The following PATJ variants were observed in gnomAD, a reference collection of about 807,000 sequenced individuals.
The protein encoded by PATJ is PATJ crumbs cell polarity complex component, also known as inaD-like protein.
A neutral mutation model predicts 224.9 loss-of-function variants in PATJ; 190 were observed. That is an observed-to-expected ratio of 0.84 (90% CI 0.75 to 0.95). PATJ has a LOEUF of 0.95. Among genes scored for constraint, PATJ ranks in the 40% least tolerant of loss-of-function variants. The pLI is 0.00. For missense variants in PATJ, 2,121 were observed against 2,270.3 expected (o/e 0.93, Z 1.34); for synonymous variants, 769 against 820.3 (o/e 0.94, Z 1.07).
intron 29 of PATJ, among the ~76,000 whole-genome samples, chr1:62,020,620 G>A (rs1485970665): frequency 5.9e-5 from 9 of 152,168 alleles, no homozygotes; most frequent in Non-Finnish European, 1.3e-4. Context: ...TCATTGAACA[G>A]AACAGAATCA....
intron 10 of PATJ, among the ~76,000 whole-genome samples, chr1:61,796,740 C>CTT (rs143698836): frequency 4.0e-5 from 2 of 50,328 alleles, no homozygotes; most frequent in African/African-American, 1.2e-4. Flanking sequence ...TTCTTTCTTT[C>CTT]TTTTTTTTCT....
intron 19 of PATJ, 86 bp from the exon 20 acceptor site, chr1:61,864,151 CA>C: frequency 8.6e-7 from 1 of 1,165,864 alleles, no homozygotes; most frequent in South Asian, 1.5e-5. Context: ...GCAGTCACGC[CA>C]GCATTTGAAA....
At chr1:61,995,220 A>G (rs1233322623) in intron 28 of PATJ, among the ~76,000 whole-genome samples, 1 of 152,214 alleles carries the variant, frequency 6.6e-6, no homozygotes, top group Non-Finnish European at 1.5e-5. Flanking sequence ...AGAGCAAATC[A>G]TGAGTGGTTG....
At chr1:61,963,201 C>G (rs1238479364) in intron 27 of PATJ, among the ~76,000 whole-genome samples, 10 of 152,228 alleles carry the variant, frequency 6.6e-5, no homozygotes, top group Admixed American at 6.5e-4. Flanking sequence ...TAATAGCCTA[C>G]TCTTGGCTTT....
intron 14 of PATJ, among the ~76,000 whole-genome samples, chr1:61,817,294 G>C (rs1389491807): frequency 6.6e-6 from 1 of 152,202 alleles, no homozygotes. Flanking sequence ...TTAGTATTAG[G>C]TGACTGAAGA....
rs1476920224 is a variant in PATJ at position 62,018,037 on chromosome 1, C to T, written c.3959+90C>T. On this transcript the variant is annotated intron_variant, in intron 29 of 43. Transcript: ENST00000642238. The surrounding 1 kb of genome is among the most constrained non-coding windows in gnomAD (Gnocchi z 4.2). Reference sequence around the variant, plus strand: ...ACTATGTCATCTTTGATTTGTCTAGCGAAATCACTGTTCCTTCTAAAAACA... The same window carrying T: ...ACTATGTCATCTTTGATTTGTCTAGTGAAATCACTGTTCCTTCTAAAAACA... 16 of 695,718 alleles carry T rather than the reference C, an allele frequency of 2.3e-5. No individual in the cohort carries two copies. The East Asian group carries it at 2.8e-4, about 12-fold the overall frequency. 43.1% of individuals were successfully genotyped at this position (695,718 alleles called of 1,614,324 possible).
chr1:61,943,519 T>C (rs942727017), intron 27 of PATJ, among the ~76,000 whole-genome samples: 1 of 152,014 alleles, frequency 6.6e-6, no homozygotes, highest in African/African-American at 2.4e-5. Context: ...AACTGCGAGG[T>C]GGCAGTGAGG....
chr1:61,814,097 A>G (rs1326278395), intron 14 of PATJ, among the ~76,000 whole-genome samples: 5 of 151,544 alleles, frequency 3.3e-5, no homozygotes, highest in Non-Finnish European at 5.9e-5. Flanking sequence ...TCACTAGAAG[A>G]AAAAGAGTCA....
At chr1:62,126,796 A>G (rs7538525) in intron 39 of PATJ, among the ~76,000 whole-genome samples, 5,245 of 152,250 alleles carry the variant, frequency 0.034, 273 homozygotes, top group African/African-American at 0.12. Flanking sequence ...CCAAGTCTGC[A>G]TCGGAATTGG....
rs780982829 is a variant in PATJ at position 62,051,004 on chromosome 1, T to C, written c.4071T>C (p.Asp1357=). The C allele has an allele frequency of 1.9e-6, 3 of 1,614,106 alleles. No homozygotes were observed. The highest frequency in any genetic ancestry group is 3.3e-5 in the Admixed American group (2 of 60,024). The change falls in exon 31 of 44, where the codon GAT becomes GAC. Residue 1357 remains aspartate, a synonymous_variant. Transcript: ENST00000642238. ...SGTEPISSEE[D]GSVEVGIKQL... is the part of the protein sequence containing the mutation. ...CCGAACCTATTAGTAGTGAGGAAGA[T>C]GGCAGCGTCGAAGTTGGTATTAAAC... is the stretch of plus-strand genomic sequence containing the variant.
intron 40 of PATJ, chr1:62,128,572 A>G (rs1423308166): frequency 2.4e-6 from 1 of 421,268 alleles, no homozygotes; most frequent in South Asian, 3.7e-5. Flanking sequence ...AAATGGTTGT[A>G]TGAAACACCA....
rs1669902789 is a variant in PATJ, at chr1:62,162,402, A to G, written c.*1348A>G. On this transcript the variant is annotated 3_prime_UTR_variant, in exon 44 of 44. Transcript: ENST00000642238. ...CAGGCCAGCAGCATGGACTGCAAGA[A>G]CCTAAGGGAGCAACATACTTAGCTG... 6.6e-6 allele frequency: 1 copy of G among 152,244 alleles called. No homozygotes were observed. The highest frequency in any genetic ancestry group is 2.4e-5 in the African/African-American group (1 of 41,448). 9.4% of individuals were successfully genotyped at this position (152,244 alleles called of 1,614,324 possible).
chr1:61,916,890 G>T (rs1354796484), intron 26 of PATJ, among the ~76,000 whole-genome samples: 6 of 152,186 alleles, frequency 3.9e-5, no homozygotes, highest in Non-Finnish European at 7.3e-5. Context: ...TGCTGAGTCA[G>T]TTCCTTGGGG....
chr1:62,086,451 A>G lies in PATJ; in HGVS notation c.4377+1803A>G, dbSNP rs992142546. Among the ~76,000 whole-genome samples, 2 of 152,202 alleles carry G rather than the reference A, an allele frequency of 1.3e-5. No individual in the cohort carries two copies. Among genetic ancestry groups the G allele is most frequent in the South Asian group, 2.1e-4 (1 of 4,822 alleles). On this transcript the variant is annotated intron_variant, in intron 33 of 43. Coordinates refer to ENST00000642238, the MANE Select transcript of PATJ (RefSeq NM_001350145.3). This position sits in a 1 kb window ranked among gnomAD's most constrained non-coding sequence, Gnocchi z 4.0. ...AAACCAGGGCGACTCCCTAGAGACA[A>G]TCACTCTTGTTAATGAATATGTTTT...
At chr1:61,816,671 T>C (rs1209194363) in intron 14 of PATJ, 1 of 152,164 alleles carries the variant, frequency 6.6e-6, no homozygotes, top group East Asian at 1.9e-4. Flanking sequence ...TATAGAAATA[T>C]GTACTGCAAA....
chr1:61,900,730 C>T (rs1671034288), intron 23 of PATJ, among the ~76,000 whole-genome samples: 1 of 151,706 alleles, frequency 6.6e-6, no homozygotes, highest in African/African-American at 2.4e-5. Context: ...GCTGGGACTA[C>T]AGGCGCCCGC....
intron 33 of PATJ, among the ~76,000 whole-genome samples, chr1:62,085,784 A>C (rs976993070): frequency 1.3e-5 from 2 of 149,640 alleles, no homozygotes; most frequent in African/African-American, 2.5e-5. Flanking sequence ...ATGCCACTAT[A>C]CTCCAGCCTG....
At chr1:61,987,453 GGTGTTTCAT>G (rs1644825957) in intron 27 of PATJ, among the ~76,000 whole-genome samples, 1 of 151,896 alleles carries the variant, frequency 6.6e-6, no homozygotes, top group Non-Finnish European at 1.5e-5. Context: ...TGTTAAAATT[GGTGTTTCAT>G]GTTGTTTTCT....
chr1:62,073,908 G>A (rs1277414786), intron 31 of PATJ, among the ~76,000 whole-genome samples: 2 of 152,056 alleles, frequency 1.3e-5, no homozygotes, highest in Non-Finnish European at 2.9e-5. Flanking sequence ...AATAACTTCA[G>A]TGTTCCTTAC....
Sources: gnomAD v4.1 joint callset for allele counts (sites outside exome capture counted in the v4.1 genomes callset) on GRCh38, gnomAD v4.1.1 for gene constraint, Gnocchi (gnomAD v3.1) non-coding constraint, MANE v1.5 for transcripts, NCBI Gene and HGNC (gene_info 2026-07-23, HGNC 2026-07-21) for gene names.